Variants in ATXN10 observed in about 807,000 individuals in gnomAD.
The protein encoded by ATXN10 is ataxin 10.
ATXN10 carries 28 observed loss-of-function variants against 52.9 expected under a neutral mutation model. The observed-to-expected ratio is 0.53, with a 90% CI of 0.39 to 0.73. The LOEUF is 0.73. Among genes scored for constraint, ATXN10 ranks in the 30% least tolerant of loss-of-function variants. ATXN10 has a pLI of 0.00. For synonymous variants in ATXN10, 226 were observed against 221.5 expected (o/e 1.02, Z -0.18); for missense variants, 565 against 577.0 (o/e 0.98, Z 0.21).
At position 45,833,773 on chromosome 22, in the gene ATXN10, G is replaced by T. The variant is rs1181158837; in HGVS notation, c.1238-9218G>T. ...GTTTGTAGGCATAGCTCAGAAACGT[G>T]CAGTCATAGCAACCCGGAAGAAGAA... On this transcript the variant is annotated intron_variant, in intron 10 of 11. Transcript: ENST00000252934. This position sits in a 1 kb window ranked among gnomAD's most constrained non-coding sequence, Gnocchi z 4.3. 6.6e-6 allele frequency among the ~76,000 whole-genome samples: 1 copy of T among 152,160 alleles called. No homozygotes were observed.
At chr22:45,811,913 G>C (rs1928294326) in intron 10 of ATXN10, 1 of 412,304 alleles carries the variant, frequency 2.4e-6, no homozygotes, top group Non-Finnish European at 4.9e-6. Flanking sequence ...TGTTCACAGA[G>C]CCTCCTAGAC....
chr22:45,840,928 C>T lies in ATXN10; in HGVS notation c.1238-2063C>T, dbSNP rs1216732226. Among the ~76,000 whole-genome samples, 1 of 152,176 alleles carries T rather than the reference C, an allele frequency of 6.6e-6. No homozygotes were observed. The highest frequency in any genetic ancestry group is 1.5e-5 in the Non-Finnish European group (1 of 68,032). On this transcript the variant is annotated intron_variant, in intron 10 of 11. Transcript: ENST00000252934. This position sits in a 1 kb window ranked among gnomAD's most constrained non-coding sequence, Gnocchi z 5.8. ...TCCTTGAGTCAGTTCTTTTCATAATCACTGACTCCTCCTTTTCCTACAAAA... is the reference window on the plus strand; with the variant it reads ...TCCTTGAGTCAGTTCTTTTCATAATTACTGACTCCTCCTTTTCCTACAAAA...
intron 9 of ATXN10, among the ~76,000 whole-genome samples, chr22:45,803,592 T>C (rs918628833): frequency 1.3e-5 from 2 of 152,186 alleles, no homozygotes; most frequent in South Asian, 2.1e-4. Context: ...CTGGATTCTT[T>C]CCTCTCAGTG....
At chr22:45,746,262 AC>A (rs1006979332) in intron 9 of ATXN10, among the ~76,000 whole-genome samples, 17 of 143,302 alleles carry the variant, frequency 1.2e-4, no homozygotes, top group Non-Finnish European at 2.0e-4. Flanking sequence ...ACTATTTTCC[AC>A]CCTTTTTGTA....
intron 9 of ATXN10, among the ~76,000 whole-genome samples, chr22:45,776,612 C>T (rs1926965776): frequency 6.6e-6 from 1 of 152,030 alleles, no homozygotes; most frequent in Non-Finnish European, 1.5e-5. Context: ...TGGAAGCCTG[C>T]ATGGCTCAGC....
intron 10 of ATXN10, among the ~76,000 whole-genome samples, chr22:45,832,667 A>G (rs1031295241): frequency 6.6e-6 from 1 of 152,224 alleles, no homozygotes; most frequent in Non-Finnish European, 1.5e-5. Flanking sequence ...TCATGATTAA[A>G]TTTTTGAGAG....
chr22:45,795,889 T>G lies in ATXN10; in HGVS notation c.1174-11070T>G, dbSNP rs1362098879. Among the ~76,000 whole-genome samples the G allele has an allele frequency of 3.3e-5, 5 of 152,232 alleles. No individual in the cohort carries two copies. Among genetic ancestry groups the G allele is most frequent in the Non-Finnish European group, 1.5e-5 (1 of 68,030 alleles). On this transcript the variant is annotated intron_variant, in intron 9 of 11. Coordinates refer to ENST00000252934, the MANE Select transcript of ATXN10 (RefSeq NM_013236.4). This position sits in a 1 kb window ranked among gnomAD's most constrained non-coding sequence, Gnocchi z 4.6. ...TGTATGTCACCTCAGGATCCCGTGA[T>G]GATCACGTTATCTGCACAAATTGTT...
At chr22:45,707,828 G>T (rs1924101229) in intron 5 of ATXN10, among the ~76,000 whole-genome samples, 1 of 152,074 alleles carries the variant, frequency 6.6e-6, no homozygotes, top group South Asian at 2.1e-4. Context: ...CAAACAATGA[G>T]ATCACAGAAT....
Position 45,840,352 on chromosome 22 carries a change from T to A in ATXN10, c.1238-2639T>A, listed in dbSNP as rs1015094458. On this transcript the variant is annotated intron_variant, in intron 10 of 11. Transcript: ENST00000252934. This position sits in a 1 kb window ranked among gnomAD's most constrained non-coding sequence, Gnocchi z 5.8. Reference sequence around the variant, plus strand: ...TGTTAAAAAAGAGAGAGAGAATGCATTGGAAACAGACAGCAGGTGCACCTA... The same window carrying A: ...TGTTAAAAAAGAGAGAGAGAATGCAATGGAAACAGACAGCAGGTGCACCTA... Among the ~76,000 whole-genome samples the A allele has an allele frequency of 1.3e-5, 2 of 151,912 alleles. No individual in the cohort carries two copies. The highest frequency in any genetic ancestry group is 4.8e-5 in the African/African-American group (2 of 41,344).
intron 9 of ATXN10, among the ~76,000 whole-genome samples, chr22:45,751,750 A>AT (rs1001635558): frequency 1.4e-5 from 1 of 70,138 alleles, no homozygotes; most frequent in East Asian, 9.3e-4. Context: ...GAAAAAAAAA[A>AT]AAAATAAAAA....
At chr22:45,821,858 A>G (rs1190198685) in intron 10 of ATXN10, among the ~76,000 whole-genome samples, 1 of 152,202 alleles carries the variant, frequency 6.6e-6, no homozygotes, top group Admixed American at 6.5e-5. Context: ...AGTGAAGCCA[A>G]TATATATGTA....
In ATXN10 at chr22:45,677,134, C is replaced by T. The variant is rs1005688162; in HGVS notation, c.116+4955C>T. On this transcript the variant is annotated intron_variant, in intron 1 of 11. Coordinates refer to ENST00000252934, the MANE Select transcript of ATXN10 (RefSeq NM_013236.4). The surrounding 1 kb of genome is among the most constrained non-coding windows in gnomAD (Gnocchi z 4.1). The stretch of plus-strand genomic sequence containing the variant: ...TTCTATAGGGGAGATTGTATTTTGA[C>T]TCTTGAGTATTCTTGAAATAATGGA... 3.9e-5 allele frequency: 6 copies of T among 152,160 alleles called. No individual in the cohort carries two copies. The highest frequency in any genetic ancestry group is 2.0e-4 in the Admixed American group (3 of 15,270). The allele number at this position is 152,160 out of a possible 1,614,324, so 9.4% of individuals were successfully genotyped here. A position where few individuals can be genotyped will look rare whatever the true frequency, so the allele number is the denominator to read the frequency against.
chr22:45,789,157 C>A lies in ATXN10; in HGVS notation c.1174-17802C>A, dbSNP rs1927421202. Among the ~76,000 whole-genome samples the A allele has an allele frequency of 6.6e-6, 1 of 152,198 alleles. No homozygotes were observed. The highest frequency in any genetic ancestry group is 2.4e-5 in the African/African-American group (1 of 41,440). The stretch of plus-strand genomic sequence containing the variant: ...ATGAGCTGAAAGGCTCACCTGACCA[C>A]CCCTCTAAAACAGTCTTTGGCCACT... On this transcript the variant is annotated intron_variant, in intron 9 of 11. Transcript: ENST00000252934. The surrounding 1 kb of genome is among the most constrained non-coding windows in gnomAD (Gnocchi z 4.0).
intron 2 of ATXN10, among the ~76,000 whole-genome samples, chr22:45,692,234 A>C (rs571811691): frequency 4.4e-4 from 67 of 152,302 alleles, no homozygotes; most frequent in Admixed American, 7.8e-4. Context: ...AAACTATAAA[A>C]ATTCTAACAT....
At chr22:45,743,335 C>T (rs781138716) in intron 9 of ATXN10, among the ~76,000 whole-genome samples, 8 of 152,178 alleles carry the variant, frequency 5.3e-5, no homozygotes, top group East Asian at 1.9e-4. Context: ...ACCGACACAA[C>T]GCCGAAATCT....
At position 45,794,016 on chromosome 22, in the gene ATXN10, G is replaced by A. The variant is rs570387027; in HGVS notation, c.1174-12943G>A. Among the ~76,000 whole-genome samples, 11 of 152,298 alleles carry A rather than the reference G, an allele frequency of 7.2e-5. No homozygotes were observed. In the South Asian group the frequency reaches 2.3e-3, roughly 32 times the overall value. On this transcript the variant is annotated intron_variant, in intron 9 of 11. Transcript: ENST00000252934. The stretch of plus-strand genomic sequence containing the variant: ...CCACTTTTAACTATATGCGAATTAA[G>A]GGGCAGTTTATGCAGAAATTTCTAG...
chr22:45,692,773 G>T (rs1040648492), intron 2 of ATXN10, among the ~76,000 whole-genome samples: 3 of 152,162 alleles, frequency 2.0e-5, no homozygotes, highest in Non-Finnish European at 4.4e-5. Context: ...GAAACTTCAG[G>T]AAGTACTCAA....
intron 9 of ATXN10, among the ~76,000 whole-genome samples, chr22:45,802,479 T>C (rs1927962137): frequency 6.6e-6 from 1 of 152,224 alleles, no homozygotes; most frequent in Non-Finnish European, 1.5e-5. Flanking sequence ...GGTGTCTGCT[T>C]TTCCCAGTGA....
intron 4 of ATXN10, 128 bp from the exon 5 acceptor site, chr22:45,702,561 T>C: frequency 2.5e-6 from 2 of 793,288 alleles, no homozygotes; most frequent in Non-Finnish European, 4.1e-6. Context: ...CTACTTATTT[T>C]AAAGTGCTAT....
Sources: allele counts gnomAD v4.1 joint callset (sites outside exome capture counted in the v4.1 genomes callset), GRCh38; gene constraint gnomAD v4.1.1; non-coding constraint Gnocchi (gnomAD v3.1); transcripts MANE v1.5; gene names NCBI Gene and HGNC (gene_info 2026-07-23, HGNC 2026-07-21).